The following TNFRSF21 variants were observed in gnomAD, a reference collection of about 807,000 sequenced individuals.
TNFRSF21 encodes TNF receptor superfamily member 21.
A neutral mutation model predicts 45.6 loss-of-function variants in TNFRSF21; 19 were observed. That is an observed-to-expected ratio of 0.42 (90% CI 0.29 to 0.61). TNFRSF21 has a LOEUF of 0.61. TNFRSF21 is among the 20% of genes least tolerant of loss of function. The pLI is 0.23. For synonymous variants in TNFRSF21, 314 were observed against 335.5 expected (o/e 0.94, Z 0.70); for missense variants, 737 against 851.5 (o/e 0.87, Z 1.67).
chr6:47,233,801 A>C (rs1764620403), intron 5 of TNFRSF21, among the ~76,000 whole-genome samples: 1 of 151,972 alleles, frequency 6.6e-6, no homozygotes, highest in South Asian at 2.1e-4. Flanking sequence ...ATATAACTGG[A>C]ATTACCCAAA....
At chr6:47,304,516 GA>G (rs1365218347) in intron 1 of TNFRSF21, among the ~76,000 whole-genome samples, 2 of 152,148 alleles carry the variant, frequency 1.3e-5, no homozygotes, top group Admixed American at 6.5e-5. Context: ...AGCCAGCCCA[GA>G]AGCTCCCACC....
intron 4 of TNFRSF21, among the ~76,000 whole-genome samples, chr6:47,248,862 G>A (rs1764858908): frequency 6.6e-6 from 1 of 152,204 alleles, no homozygotes; most frequent in African/African-American, 2.4e-5. Context: ...CCAGAGCCTG[G>A]AAATAATTGC....
chr6:47,305,553 C>A (rs138046021), intron 1 of TNFRSF21, among the ~76,000 whole-genome samples: 2 of 152,236 alleles, frequency 1.3e-5, no homozygotes, highest in East Asian at 3.9e-4. Context: ...CCCACCAGAC[C>A]ACTCCACACC....
rs140472659 is a variant in TNFRSF21 at position 47,299,409 on chromosome 6, G to A, written c.96+10007C>T. Among the ~76,000 whole-genome samples, 302 of 152,138 alleles carry A rather than the reference G, an allele frequency of 2.0e-3. 2 individuals are homozygous for A. The highest frequency in any genetic ancestry group is 3.3e-3 in the Non-Finnish European group (226 of 67,992). ...CTCAGGAGGCTGAGGGAGGAAAATC[G>A]CTTGAACCTGGGAGGAAGAGGTTGC... On this transcript the variant is annotated intron_variant, in intron 1 of 5. Coordinates refer to ENST00000296861, the MANE Select transcript of TNFRSF21 (RefSeq NM_014452.5).
intron 1 of TNFRSF21, among the ~76,000 whole-genome samples, chr6:47,308,587 T>A (rs1171312929): frequency 6.6e-6 from 1 of 152,214 alleles, no homozygotes; most frequent in East Asian, 1.9e-4. Flanking sequence ...TGGATGCAGC[T>A]TAGACGATGA....
intron 3 of TNFRSF21, among the ~76,000 whole-genome samples, chr6:47,258,400 T>G (rs74335228): frequency 2.7e-5 from 4 of 147,612 alleles, no homozygotes; most frequent in African/African-American, 4.9e-5. Flanking sequence ...TAATTGTGGT[T>G]TTTTTTTTTT....
chr6:47,269,950 C>A (rs1165968330), intron 3 of TNFRSF21, among the ~76,000 whole-genome samples: 1 of 152,220 alleles, frequency 6.6e-6, no homozygotes, highest in Non-Finnish European at 1.5e-5. Flanking sequence ...ATAACCCCAG[C>A]CTCTACCCGT....
At chr6:47,265,372 TTTTTGTTTTG>T (rs371920954) in intron 3 of TNFRSF21, among the ~76,000 whole-genome samples, 3 of 150,276 alleles carry the variant, frequency 2.0e-5, no homozygotes, top group Admixed American at 6.6e-5. Flanking sequence ...GAGCACAGTT[TTTTTGTTTTG>T]TTTTGTTTTG....
intron 4 of TNFRSF21, among the ~76,000 whole-genome samples, chr6:47,237,950 T>A (rs1764683474): frequency 1.3e-5 from 2 of 152,098 alleles, no homozygotes; most frequent in Admixed American, 1.3e-4. Flanking sequence ...CTTGGGAGTC[T>A]GAGGCAGGAG....
intron 4 of TNFRSF21, among the ~76,000 whole-genome samples, chr6:47,244,903 T>C (rs899599554): frequency 8.5e-5 from 13 of 152,214 alleles, no homozygotes; most frequent in African/African-American, 3.1e-4. Flanking sequence ...AGGGACACTT[T>C]CACAAACACA....
At chr6:47,279,057 G>C (rs1285150644) in intron 3 of TNFRSF21, among the ~76,000 whole-genome samples, 2 of 152,178 alleles carry the variant, frequency 1.3e-5, no homozygotes, top group African/African-American at 4.8e-5. Flanking sequence ...ATCCAAGCCA[G>C]AAACTGCCGA....
chr6:47,296,803 T>C (rs941964773), intron 1 of TNFRSF21, among the ~76,000 whole-genome samples: 6 of 152,164 alleles, frequency 3.9e-5, no homozygotes, highest in Non-Finnish European at 8.8e-5. Flanking sequence ...ATCTGGCTGT[T>C]CATTTGTATC....
chr6:47,285,830 G>T, intron 2 of TNFRSF21, 114 bp downstream of exon 2: 1 of 1,200,272 alleles, frequency 8.3e-7, no homozygotes, highest in Non-Finnish European at 1.1e-6. Flanking sequence ...TCTCTCCAAG[G>T]GGTGACTTTG....
intron 1 of TNFRSF21, among the ~76,000 whole-genome samples, chr6:47,286,986 G>A (rs1762659461): frequency 1.3e-5 from 2 of 152,108 alleles, no homozygotes; most frequent in Admixed American, 6.5e-5. Flanking sequence ...GCTCACACCT[G>A]TAATTTTTGC....
intron 3 of TNFRSF21, among the ~76,000 whole-genome samples, chr6:47,264,529 T>A (rs564929904): frequency 3.3e-5 from 5 of 152,044 alleles, no homozygotes; most frequent in East Asian, 1.9e-4. Context: ...AATAATAAAT[T>A]AATTAATTAA....
chr6:47,276,601 T>C (rs1762500963), intron 3 of TNFRSF21, among the ~76,000 whole-genome samples: 1 of 152,204 alleles, frequency 6.6e-6, no homozygotes, highest in Admixed American at 6.5e-5. Flanking sequence ...TAAAGCTTTG[T>C]TGGAACACAG....
intron 3 of TNFRSF21, among the ~76,000 whole-genome samples, chr6:47,275,051 A>T (rs1212920940): frequency 6.6e-6 from 1 of 150,944 alleles, no homozygotes; most frequent in Non-Finnish European, 1.5e-5. Flanking sequence ...TCCCACTCCT[A>T]ATGTGGGAGT....
chr6:47,261,355 G>A (rs1765070962), intron 3 of TNFRSF21, among the ~76,000 whole-genome samples: 1 of 152,206 alleles, frequency 6.6e-6, no homozygotes, highest in South Asian at 2.1e-4. Flanking sequence ...AGCATCCCCA[G>A]CACCTGTCAG....
At chr6:47,287,886 C>G (rs922737409) in intron 1 of TNFRSF21, among the ~76,000 whole-genome samples, 1 of 152,190 alleles carries the variant, frequency 6.6e-6, no homozygotes, top group Admixed American at 6.5e-5. Context: ...GTTAAAAAGA[C>G]TATCTGATAA....
Sources: allele counts gnomAD v4.1 joint callset (sites outside exome capture counted in the v4.1 genomes callset), GRCh38; gene constraint gnomAD v4.1.1; transcripts MANE v1.5; gene names NCBI Gene and HGNC (gene_info 2026-07-23, HGNC 2026-07-21).